Variants in DLC1 observed in about 807,000 individuals in gnomAD.
The protein encoded by DLC1 is DLC1 Rho GTPase activating protein.
A neutral mutation model predicts 140.3 loss-of-function variants in DLC1; 54 were observed. The observed-to-expected ratio is 0.38, with a 90% CI of 0.31 to 0.48. The LOEUF (loss-of-function observed/expected upper bound fraction) is 0.48, where lower values mean the gene tolerates loss of function less well. DLC1 is among the 20% of genes least tolerant of loss of function. The pLI, the probability that DLC1 is intolerant of heterozygous loss-of-function variation, is 0.96. For synonymous variants in DLC1, 986 were observed against 728.1 expected (o/e 1.35, Z -5.70); for missense variants, 2,536 against 1,907.0 (o/e 1.33, Z -6.14).
At chr8:13,281,485 A>G (rs1243324123) in intron 5 of DLC1, among the ~76,000 whole-genome samples, 3 of 152,250 alleles carry the variant, frequency 2.0e-5, no homozygotes, top group Non-Finnish European at 4.4e-5. Flanking sequence ...CTACGCATAT[A>G]GTTCTTTAAA....
chr8:13,099,421 A>T lies in DLC1; in HGVS notation c.2916T>A (p.Asn972Lys), dbSNP rs1585611067. Reference protein sequence around the residue: ...SDLDSTGNSLNEPEEPSEIPE... With the variant: ...SDLDSTGNSLKEPEEPSEIPE... Reference sequence around the variant, plus strand: ...GGATCTCGGAGGGCTCTTCCGGTTCATTCAGGGAGTTGCCTGTGCTGTCCA... The same window carrying T: ...GGATCTCGGAGGGCTCTTCCGGTTCTTTCAGGGAGTTGCCTGTGCTGTCCA... Residue 972 changes from asparagine to lysine, a missense_variant, in exon 9 of 18, where the codon AAT (asparagine) becomes AAA (lysine). Physicochemically the swap from Asn to Lys is moderately conservative, Grantham distance 94 (BLOSUM62 0). Transcript: ENST00000276297. The T allele has an allele frequency of 6.2e-7, 1 of 1,614,106 alleles. No individual in the cohort carries two copies. The highest frequency in any genetic ancestry group is 8.5e-7 in the Non-Finnish European group (1 of 1,180,006).
At chr8:13,456,671 C>T (rs1476848255) in intron 2 of DLC1, among the ~76,000 whole-genome samples, 1 of 152,084 alleles carries the variant, frequency 6.6e-6, no homozygotes, top group Non-Finnish European at 1.5e-5. Flanking sequence ...GTGGGCCAGG[C>T]TGGTTTTGAA....
intron 5 of DLC1, among the ~76,000 whole-genome samples, chr8:13,189,022 T>C (rs1289405323): frequency 1.3e-5 from 2 of 151,502 alleles, no homozygotes; most frequent in Admixed American, 1.3e-4. Context: ...TAAAAATCCC[T>C]ATGGACCAAG....
rs181156581 is a variant in DLC1, at chr8:13,127,753, T to A, written c.1349-12096A>T. Among the ~76,000 whole-genome samples the A allele has an allele frequency of 5.3e-5, 8 of 152,286 alleles. No homozygotes were observed. The East Asian group carries it at 1.5e-3, about 29-fold the overall frequency. ...GTGGAAAACTTTTGTCCCTTAAACA[T>A]CCTTTAGAGACTCCTGCGAGGAGAA... On this transcript the variant is annotated intron_variant, in intron 5 of 17. Coordinates refer to ENST00000276297, the MANE Select transcript of DLC1 (RefSeq NM_182643.3).
intron 2 of DLC1, among the ~76,000 whole-genome samples, chr8:13,445,034 G>A (rs770889085): frequency 9.9e-5 from 15 of 152,004 alleles, no homozygotes; most frequent in Admixed American, 2.6e-4. Flanking sequence ...CAGAGATTGA[G>A]AGAAGGGAAG....
chr8:13,178,458 C>G (rs972283804), intron 5 of DLC1, among the ~76,000 whole-genome samples: 1 of 151,660 alleles, frequency 6.6e-6, no homozygotes, highest in Non-Finnish European at 1.5e-5. Context: ...CCTAGTTCCA[C>G]CTACTCAGGA....
At chr8:13,573,051 AT>A (rs1804717833) in intron 1 of DLC1, among the ~76,000 whole-genome samples, 1 of 152,166 alleles carries the variant, frequency 6.6e-6, no homozygotes, top group Admixed American at 6.5e-5. Context: ...TAATCTGTAT[AT>A]ATCTTTGGGT....
intron 5 of DLC1, among the ~76,000 whole-genome samples, chr8:13,180,997 T>C (rs1035871847): frequency 6.6e-6 from 1 of 152,114 alleles, no homozygotes; most frequent in East Asian, 1.9e-4. Flanking sequence ...CTGTTGAAGA[T>C]ATCTATTTTG....
At chr8:13,356,460 C>A (rs569104975) in intron 4 of DLC1, among the ~76,000 whole-genome samples, 27 of 152,164 alleles carry the variant, frequency 1.8e-4, no homozygotes, top group African/African-American at 5.6e-4. Flanking sequence ...TTTTACCATA[C>A]GAAATTCCTT....
chr8:13,290,021 G>A (rs1831696491), intron 5 of DLC1, among the ~76,000 whole-genome samples: 2 of 151,674 alleles, frequency 1.3e-5, no homozygotes, highest in Admixed American at 1.3e-4. Flanking sequence ...CTTTTACCTT[G>A]ACTCTAAGTT....
At chr8:13,490,974 T>C (rs1345952261) in intron 2 of DLC1, among the ~76,000 whole-genome samples, 1 of 88,042 alleles carries the variant, frequency 1.1e-5, no homozygotes, top group Non-Finnish European at 2.8e-5. Flanking sequence ...TCAGAATTTA[T>C]ATAAATATAT....
intron 5 of DLC1, among the ~76,000 whole-genome samples, chr8:13,304,138 C>T (rs1832320260): frequency 6.6e-6 from 1 of 152,102 alleles, no homozygotes; most frequent in Non-Finnish European, 1.5e-5. Context: ...TAAATCCATT[C>T]AATATATGGT....
intron 5 of DLC1, among the ~76,000 whole-genome samples, chr8:13,192,928 T>C (rs1281658514): frequency 2.0e-5 from 3 of 152,206 alleles, no homozygotes; most frequent in Non-Finnish European, 4.4e-5. Context: ...AAATTTCAGT[T>C]GTTTGAGCCA....
intron 5 of DLC1, among the ~76,000 whole-genome samples, chr8:13,300,674 C>T (rs1832155149): frequency 6.6e-6 from 1 of 152,114 alleles, no homozygotes; most frequent in Admixed American, 6.6e-5. Flanking sequence ...GTATCCGGTC[C>T]AGTGAATGAT....
At chr8:13,348,628 G>A (rs73203954) in intron 4 of DLC1, among the ~76,000 whole-genome samples, 5,522 of 152,198 alleles carry the variant, frequency 0.036, 143 homozygotes, top group South Asian at 0.097. Context: ...AAGTGTTTAG[G>A]TCCTTCTGGT....
chr8:13,099,741 G>A lies in DLC1; in HGVS notation c.2596C>T (p.Arg866Cys). The change falls in exon 9 of 18, where the codon CGC (arginine) becomes TGC (cysteine). Residue 866 changes from arginine to cysteine, a missense_variant. Transcript: ENST00000276297. The part of the protein sequence containing the change: ...SSDSPKELKR[R>C]NSSSSMSSRL... The stretch of plus-strand genomic sequence containing the variant: ...CTGCTCATGGAGCTGGAAGAATTGC[G>A]TCTCTTCAGTTCCTTGGGGCTGTCG... 3 of 1,614,136 alleles carry A rather than the reference G, an allele frequency of 1.9e-6. No individual in the cohort carries two copies. Among genetic ancestry groups the A allele is most frequent in the East Asian group, 2.2e-5 (1 of 44,860 alleles).
At chr8:13,384,484 A>G (rs1218533128) in intron 4 of DLC1, among the ~76,000 whole-genome samples, 1 of 152,256 alleles carries the variant, frequency 6.6e-6, no homozygotes, top group Non-Finnish European at 1.5e-5. Flanking sequence ...ATGTGAAATT[A>G]AATATTTGGT....
At chr8:13,235,702 C>T (rs765096504) in intron 5 of DLC1, among the ~76,000 whole-genome samples, 4 of 151,904 alleles carry the variant, frequency 2.6e-5, no homozygotes, top group African/African-American at 4.8e-5. Context: ...AAATCATTCT[C>T]TTGGAAGATA....
chr8:13,329,199 T>C (rs1833490263), intron 4 of DLC1, among the ~76,000 whole-genome samples: 1 of 152,194 alleles, frequency 6.6e-6, no homozygotes, highest in Admixed American at 6.5e-5. Context: ...AAATACCTTT[T>C]CCTCATCCCC....
Sources: gnomAD v4.1 joint callset for allele counts (sites outside exome capture counted in the v4.1 genomes callset) on GRCh38, gnomAD v4.1.1 for gene constraint, MANE v1.5 for transcripts, NCBI Gene and HGNC (gene_info 2026-07-23, HGNC 2026-07-21) for gene names.